The following TNFRSF8 variants were observed in gnomAD, a reference collection of about 807,000 sequenced individuals.
The protein encoded by TNFRSF8 is TNF receptor superfamily member 8.
TNFRSF8 carries 26 observed loss-of-function variants against 70.8 expected under a neutral mutation model. The ratio of observed to expected loss-of-function variants is 0.37; its 90% CI spans 0.27 to 0.51. TNFRSF8 has a LOEUF of 0.51. TNFRSF8 is among the 20% of genes least tolerant of loss of function. The pLI, the probability that TNFRSF8 is intolerant of heterozygous loss-of-function variation, is 0.94. For missense variants in TNFRSF8, 720 were observed against 807.9 expected (o/e 0.89, Z 1.32); for synonymous variants, 356 against 339.2 (o/e 1.05, Z -0.54).
intron 4 of TNFRSF8, among the ~76,000 whole-genome samples, chr1:12,106,818 C>T (rs904270213): frequency 5.9e-5 from 9 of 152,200 alleles, no homozygotes; most frequent in African/African-American, 2.2e-4. Flanking sequence ...GCCTCTGGAC[C>T]TCGGTCTCCC....
chr1:12,079,212 C>T (rs1223491046), intron 1 of TNFRSF8, among the ~76,000 whole-genome samples: 2 of 152,182 alleles, frequency 1.3e-5, no homozygotes, highest in South Asian at 2.1e-4. Flanking sequence ...GAAAACCAAA[C>T]CAACCTGAAA....
At chr1:12,126,408 A>G (rs1332768122) in intron 12 of TNFRSF8, among the ~76,000 whole-genome samples, 172 bp downstream of exon 12, 1 of 152,212 alleles carries the variant, frequency 6.6e-6, no homozygotes, top group Non-Finnish European at 1.5e-5. Context: ...GTGAAAACTC[A>G]TGCGTGTGGA....
intron 12 of TNFRSF8, among the ~76,000 whole-genome samples, chr1:12,133,586 A>C (rs1642091301): frequency 6.6e-6 from 1 of 151,812 alleles, no homozygotes; most frequent in African/African-American, 2.4e-5. Context: ...CTAAAAATAC[A>C]AAAATTAGCT....
At chr1:12,079,007 G>C (rs183524172) in intron 1 of TNFRSF8, among the ~76,000 whole-genome samples, 1 of 152,194 alleles carries the variant, frequency 6.6e-6, no homozygotes, top group Non-Finnish European at 1.5e-5. Context: ...GCGCACAGCG[G>C]TGGAGATCCC....
At position 12,129,944 on chromosome 1, in the gene TNFRSF8, A is replaced by G. The variant is rs184368123; in HGVS notation, c.1309+3708A>G. On this transcript the variant is annotated intron_variant, in intron 12 of 14. Coordinates refer to ENST00000263932, the MANE Select transcript of TNFRSF8 (RefSeq NM_001243.5). ...TTTTGAGACAGGGTCTGGCTCTGTC[A>G]CCCAGGCTGGAGTGCAGTAGTGTGA... is the stretch of plus-strand genomic sequence containing the variant. 7.7e-3 allele frequency among the ~76,000 whole-genome samples: 1,177 copies of G among 152,184 alleles called. 10 individuals are homozygous for G. The highest frequency in any genetic ancestry group is 0.013 in the Non-Finnish European group (864 of 67,986).
chr1:12,126,741 G>A (rs1239448108), intron 12 of TNFRSF8, among the ~76,000 whole-genome samples: 1 of 152,230 alleles, frequency 6.6e-6, no homozygotes, highest in Non-Finnish European at 1.5e-5. Flanking sequence ...GTGTGACCCT[G>A]GGTGAGTTAC....
chr1:12,123,753 C>A lies in TNFRSF8; in HGVS notation c.1079C>A (p.Ala360Asp). 6.3e-7 allele frequency: 1 copy of A among 1,576,398 alleles called. No individual in the cohort carries two copies. The highest frequency in any genetic ancestry group is 8.6e-7 in the Non-Finnish European group (1 of 1,160,528). ...CAGAGCTTGCTGGTGGACTCCCAGGCCAGTAAGACGCTGCCCATCCCAACC... is the reference window on the plus strand; with the variant it reads ...CAGAGCTTGCTGGTGGACTCCCAGGACAGTAAGACGCTGCCCATCCCAACC... ...PTQSLLVDSQ[A>D]SKTLPIPTSA... The change falls in exon 10 of 15, where the codon GCC becomes GAC. Residue 360 changes from alanine (A) to aspartate (D), a missense_variant. By Grantham distance (126) the Ala-to-Asp change is moderately radical. Coordinates refer to ENST00000263932, the MANE Select transcript of TNFRSF8 (RefSeq NM_001243.5).
In TNFRSF8 at chr1:12,108,376, C is replaced by T. The variant is rs991718893; in HGVS notation, c.422-1190C>T. On this transcript the variant is annotated intron_variant, in intron 4 of 14. Coordinates refer to ENST00000263932, the MANE Select transcript of TNFRSF8 (RefSeq NM_001243.5). This position sits in a 1 kb window ranked among gnomAD's most constrained non-coding sequence, Gnocchi z 4.0. The stretch of plus-strand genomic sequence containing the variant: ...TACAGGTGTGAGCCACCGTGCCTGG[C>T]GACATACGGGTCACCTTCTAAGTGT... Among the ~76,000 whole-genome samples, 7 of 152,126 alleles carry T rather than the reference C, an allele frequency of 4.6e-5. No individual in the cohort carries two copies. The East Asian group carries it at 5.8e-4, about 13-fold the overall frequency.
chr1:12,083,595 A>G (rs2100966701), intron 1 of TNFRSF8, among the ~76,000 whole-genome samples: 1 of 152,322 alleles, frequency 6.6e-6, no homozygotes, highest in East Asian at 1.9e-4. Context: ...GCTGAGGCAC[A>G]AGAATCATTT....
intron 2 of TNFRSF8, among the ~76,000 whole-genome samples, chr1:12,091,792 T>C (rs1308814405): frequency 2.0e-5 from 3 of 152,206 alleles, no homozygotes; most frequent in Non-Finnish European, 2.9e-5. Flanking sequence ...AAGATGATTC[T>C]TCCCATGAAG....
chr1:12,087,692 C>A (rs551933028), intron 2 of TNFRSF8, among the ~76,000 whole-genome samples: 2 of 152,298 alleles, frequency 1.3e-5, no homozygotes, highest in South Asian at 4.1e-4. Flanking sequence ...GACCCACAAT[C>A]CCAGCCACAA....
In TNFRSF8 at chr1:12,142,337, G is replaced by C. The variant is rs770135375; in HGVS notation, c.1594G>C (p.Ala532Pro). ...ADTVIVGTVK[A>P]ELPEGRGLAG... ...CACCGTGATCGTGGGGACCGTGAAG[G>C]CTGAGCTGCCGGAGGGCCGGGGCCT... The change falls in exon 15 of 15, where the codon GCT becomes CCT. Residue 532 changes from alanine (A) to proline (P), a missense_variant. Transcript: ENST00000263932. The surrounding 1 kb of genome is among the most constrained non-coding windows in gnomAD (Gnocchi z 5.0). 1 of 1,606,826 alleles carries C rather than the reference G, an allele frequency of 6.2e-7. No homozygotes were observed. Among genetic ancestry groups the C allele is most frequent in the Non-Finnish European group, 8.5e-7 (1 of 1,176,812 alleles).
At position 12,142,713 on chromosome 1, in the gene TNFRSF8, GCT is replaced by G. The variant is rs1642279323; in HGVS notation, c.*183_*184del. On this transcript the variant is annotated 3_prime_UTR_variant, in exon 15 of 15. Transcript: ENST00000263932. The surrounding 1 kb of genome is among the most constrained non-coding windows in gnomAD (Gnocchi z 5.0). Reference sequence around the variant, plus strand: ...GGTCTCTGCTTGCATCCCCAACTTAGCTGTCCCCTGACCCAGAGCCTAGGGGA... The same window carrying G: ...GGTCTCTGCTTGCATCCCCAACTTAGGTCCCCTGACCCAGAGCCTAGGGGA... 1 of 776,038 alleles carries G rather than the reference GCT, an allele frequency of 1.3e-6. No individual in the cohort carries two copies. Among genetic ancestry groups the G allele is most frequent in the Non-Finnish European group, 2.0e-6 (1 of 500,272 alleles). 48.1% of individuals were successfully genotyped at this position (776,038 alleles called of 1,614,324 possible). A position where few individuals can be genotyped will look rare whatever the true frequency, so the allele number is the denominator to read the frequency against.
At position 12,114,694 on chromosome 1, in the gene TNFRSF8, CTTTTTTTTTTTTT is replaced by C. The variant is rs542462017; in HGVS notation, c.794-866_794-854del. ...TTTTTGCTTTTGGAGGAAAAAAAATCTTTTTTTTTTTTTTTTTTTTTTTTTTTTTAAATAGACA... is the reference window on the plus strand; with the variant it reads ...TTTTTGCTTTTGGAGGAAAAAAAATCTTTTTTTTTTTTTTTTAAATAGACA... On this transcript the variant is annotated intron_variant, in intron 7 of 14. Transcript: ENST00000263932. Among the ~76,000 whole-genome samples, 279 of 77,056 alleles carry C rather than the reference CTTTTTTTTTTTTT, an allele frequency of 3.6e-3. 7 individuals are homozygous for C. The highest frequency in any genetic ancestry group is 0.012 in the African/African-American group (217 of 17,998). The allele number at this position is 77,056 out of a possible 152,430, so 50.6% of individuals were successfully genotyped here.
intron 12 of TNFRSF8, among the ~76,000 whole-genome samples, chr1:12,131,466 C>T (rs966018885): frequency 5.4e-4 from 82 of 151,538 alleles, no homozygotes; most frequent in African/African-American, 1.7e-3. Flanking sequence ...AACAAACAAA[C>T]AAACAAAAAA....
rs1641338609 is a variant in TNFRSF8 at position 12,096,782 on chromosome 1, T to C, written c.152-319T>C. 2.1e-5 allele frequency among the ~76,000 whole-genome samples: 3 copies of C among 145,302 alleles called. No individual in the cohort carries two copies. In the South Asian group the frequency reaches 6.3e-4, roughly 31 times the overall value. On this transcript the variant is annotated intron_variant, in intron 2 of 14. Coordinates refer to ENST00000263932, the MANE Select transcript of TNFRSF8 (RefSeq NM_001243.5). ...TAGTGCTAAATATATACACGTACTA[T>C]GTACCCTCACACACACACACACACA...
intron 12 of TNFRSF8, among the ~76,000 whole-genome samples, chr1:12,128,524 G>A (rs1254291886): frequency 6.6e-6 from 1 of 152,234 alleles, no homozygotes; most frequent in African/African-American, 2.4e-5. Flanking sequence ...TGTTATCCCC[G>A]TTGCACAGAT....
In TNFRSF8 at chr1:12,141,781, T is replaced by G. The variant is rs1290314585; in HGVS notation, c.1544-506T>G. ...AGGGCCACCAGGCGGAGTGGGTGGT[T>G]TTTTTTTGGGGGATTTCTCCTAACT... is the stretch of plus-strand genomic sequence containing the variant. On this transcript the variant is annotated intron_variant, in intron 14 of 14. Transcript: ENST00000263932. The surrounding 1 kb of genome is among the most constrained non-coding windows in gnomAD (Gnocchi z 5.4). 6.6e-6 allele frequency among the ~76,000 whole-genome samples: 1 copy of G among 152,044 alleles called. No homozygotes were observed.
At position 12,128,437 on chromosome 1, in the gene TNFRSF8, T is replaced by C. The variant is rs553709598; in HGVS notation, c.1309+2201T>C. ...CCTCGAGTGGATCGACCTTCCCGTG[T>C]GTGTCCTCGGTGACAGGCATTTGCA... On this transcript the variant is annotated intron_variant, in intron 12 of 14. Transcript: ENST00000263932. Among the ~76,000 whole-genome samples the C allele has an allele frequency of 1.8e-4, 28 of 152,338 alleles. No homozygotes were observed. The South Asian group carries it at 5.8e-3, about 32-fold the overall frequency.
Sources: allele counts gnomAD v4.1 joint callset (sites outside exome capture counted in the v4.1 genomes callset), GRCh38; gene constraint gnomAD v4.1.1; non-coding constraint Gnocchi (gnomAD v3.1); transcripts MANE v1.5; gene names NCBI Gene and HGNC (gene_info 2026-07-23, HGNC 2026-07-21).